Variants in TGFBR1 observed in about 807,000 individuals in gnomAD.
The protein encoded by TGFBR1 is TGF-beta receptor type-1.
In TGFBR1, 20 loss-of-function variants were observed where a neutral mutation model predicts 55.1. The observed-to-expected ratio is 0.36, with a 90% confidence interval of 0.26 to 0.53. The LOEUF is 0.53. TGFBR1 is among the 20% of genes least tolerant of loss of function. The pLI is 0.91. For missense variants in TGFBR1, 385 were observed against 617.6 expected (o/e 0.62, Z 3.99); for synonymous variants, 220 against 214.8 (o/e 1.02, Z -0.21).
At chr9:99,124,525 G>T (rs997382800) in intron 1 of TGFBR1, among the ~76,000 whole-genome samples, 3 of 150,616 alleles carry the variant, frequency 2.0e-5, no homozygotes, top group Non-Finnish European at 4.4e-5. Flanking sequence ...ATAAAAGGTT[G>T]GGGGGGGCAG....
At chr9:99,110,232 C>T (rs1282331307) in intron 1 of TGFBR1, among the ~76,000 whole-genome samples, 1 of 151,802 alleles carries the variant, frequency 6.6e-6, no homozygotes, top group African/African-American at 2.4e-5. Flanking sequence ...AATTTCTAAT[C>T]TAACTTAAAA....
At chr9:99,139,444 A>G (rs893022381) in intron 4 of TGFBR1, among the ~76,000 whole-genome samples, 3 of 152,088 alleles carry the variant, frequency 2.0e-5, no homozygotes, top group African/African-American at 4.8e-5. Flanking sequence ...GAAAATTTCC[A>G]ATATGTAGAA....
chr9:99,152,582 T>C lies in TGFBR1; in HGVS notation c.*3277T>C, dbSNP rs201094276. On this transcript the variant is annotated 3_prime_UTR_variant, in exon 9 of 9. Transcript: ENST00000374994. ...TGAGAACTGTCAGATTAAAACAAGATGGCAAAGAGATCGTTAGAGTGCACA... is the reference window on the plus strand; with the variant it reads ...TGAGAACTGTCAGATTAAAACAAGACGGCAAAGAGATCGTTAGAGTGCACA... 1.7e-5 allele frequency: 4 copies of C among 229,394 alleles called. No individual in the cohort carries two copies. The highest frequency in any genetic ancestry group is 2.2e-5 in the African/African-American group (1 of 45,112). 14.2% of individuals were successfully genotyped at this position (229,394 alleles called of 1,614,324 possible). A position where few individuals can be genotyped will look rare whatever the true frequency, so the allele number is the denominator to read the frequency against.
At chr9:99,105,376 T>C in intron 1 of TGFBR1, 74 bp downstream of exon 1, 1 of 972,216 alleles carries the variant, frequency 1.0e-6, no homozygotes, top group Non-Finnish European at 1.2e-6. Flanking sequence ...GCTCCTGCTC[T>C]TTCTCAAACA....
intron 2 of TGFBR1, 31 bp downstream of exon 2, chr9:99,129,131 C>T: frequency 6.2e-7 from 1 of 1,608,868 alleles, no homozygotes; most frequent in Middle Eastern, 1.7e-4. Flanking sequence ...TTCCTAGATA[C>T]TACAAGAAAA....
Position 99,151,422 on chromosome 9 carries a change from T to G in TGFBR1, c.*2117T>G, listed in dbSNP as rs181680115. On this transcript the variant is annotated 3_prime_UTR_variant, in exon 9 of 9. Transcript: ENST00000374994. ...GTTTTTTTTTTTTTGTTGTTGTTTT[T>G]GGGCCATTTCTAAGCCTACCAGATC... is the stretch of plus-strand genomic sequence containing the variant. 2.6e-5 allele frequency: 6 copies of G among 230,304 alleles called. No homozygotes were observed. In the East Asian group the frequency reaches 3.7e-4, roughly 14 times the overall value. 14.3% of individuals were successfully genotyped at this position (230,304 alleles called of 1,614,324 possible). A position where few individuals can be genotyped will look rare whatever the true frequency, so the allele number is the denominator to read the frequency against.
intron 4 of TGFBR1, among the ~76,000 whole-genome samples, chr9:99,141,026 TCTC>T (rs1827599279): frequency 1.3e-5 from 2 of 152,196 alleles, no homozygotes; most frequent in South Asian, 4.1e-4. Context: ...TCCTTTATCT[TCTC>T]CTGATTTAGT....
At chr9:99,143,474 A>G (rs776412810) in intron 5 of TGFBR1, among the ~76,000 whole-genome samples, 11 of 152,232 alleles carry the variant, frequency 7.2e-5, no homozygotes, top group Admixed American at 5.9e-4. Flanking sequence ...TGACATTTGT[A>G]TGCTGTAGTT....
In TGFBR1 at chr9:99,105,264, C is replaced by T. The variant is rs1333080544; in HGVS notation, c.59C>T (p.Ala20Val). ...CTGCTCCTCCTCGTGCTGGCGGCGG[C>T]GGCGGCGGCGGCGGCGGCGCTGCTC... ...PRLLLLVLAA[A>V]AAAAAALLPG... The change falls in exon 1 of 9, where the codon GCG (alanine) becomes GTG (valine). Residue 20 changes from alanine (A) to valine (V), a missense_variant. Ala to Val is a moderately conservative substitution (Grantham distance 64). Around this residue, in one of 5 missense-constraint regions of TGFBR1, gnomAD observed 37 missense variants for 40.2 expected, o/e 0.92. Transcript: ENST00000374994. The T allele has an allele frequency of 1.2e-6, 1 of 835,220 alleles. No individual in the cohort carries two copies. The highest frequency in any genetic ancestry group is 1.4e-6 in the Non-Finnish European group (1 of 692,996). 51.7% of individuals were successfully genotyped at this position (835,220 alleles called of 1,614,324 possible). A position where few individuals can be genotyped will look rare whatever the true frequency, so the allele number is the denominator to read the frequency against.
chr9:99,108,403 C>T (rs1042138602), intron 1 of TGFBR1, among the ~76,000 whole-genome samples: 6 of 152,174 alleles, frequency 3.9e-5, no homozygotes, highest in Non-Finnish European at 8.8e-5. Flanking sequence ...ATAAGCAGTT[C>T]CCACTGGGCC....
intron 1 of TGFBR1, among the ~76,000 whole-genome samples, chr9:99,116,340 G>T (rs10760673): frequency 6.6e-6 from 1 of 152,126 alleles, no homozygotes; most frequent in South Asian, 2.1e-4. Flanking sequence ...AAAACTCTGC[G>T]AGGACCAACA....
intron 1 of TGFBR1, chr9:99,127,748 C>T: frequency 2.8e-6 from 1 of 362,752 alleles, no homozygotes; most frequent in Non-Finnish European, 5.4e-6. Flanking sequence ...TGTACCTAGA[C>T]TCCTTTTTAT....
At chr9:99,124,974 A>T (rs889576253) in intron 1 of TGFBR1, among the ~76,000 whole-genome samples, 1 of 152,188 alleles carries the variant, frequency 6.6e-6, no homozygotes, top group African/African-American at 2.4e-5. Flanking sequence ...CTCATACACC[A>T]CTATAAACCA....
intron 1 of TGFBR1, among the ~76,000 whole-genome samples, chr9:99,107,204 T>C (rs1826438556): frequency 6.6e-6 from 1 of 152,222 alleles, no homozygotes; most frequent in African/African-American, 2.4e-5. Flanking sequence ...CCTCAGCTTG[T>C]CTGCCTCCCC....
intron 1 of TGFBR1, among the ~76,000 whole-genome samples, chr9:99,111,610 C>T (rs1190245728): frequency 2.0e-5 from 3 of 152,150 alleles, no homozygotes; most frequent in East Asian, 3.9e-4. Flanking sequence ...GCCCGGGCGA[C>T]AGAGTGAAAC....
intron 1 of TGFBR1, among the ~76,000 whole-genome samples, chr9:99,105,562 T>A (rs1379568093): frequency 2.0e-5 from 3 of 150,882 alleles, no homozygotes; most frequent in African/African-American, 7.3e-5. Context: ...CGCTCGGGAC[T>A]CCCCGGGGAG....
chr9:99,131,288 C>A (rs1347959406), intron 2 of TGFBR1, among the ~76,000 whole-genome samples: 3 of 151,728 alleles, frequency 2.0e-5, no homozygotes, highest in Non-Finnish European at 2.9e-5. Context: ...ACCTAAAATT[C>A]TTGAAATAGG....
intron 5 of TGFBR1, among the ~76,000 whole-genome samples, chr9:99,143,633 T>C (rs909368177): frequency 2.6e-5 from 4 of 152,220 alleles, no homozygotes; most frequent in African/African-American, 9.7e-5. Flanking sequence ...ATTATTATTA[T>C]TGATTGTAAC....
rs1028601349 is a variant in TGFBR1 at position 99,153,895 on chromosome 9, G to A, written c.*4590G>A. 1 of 213,930 alleles carries A rather than the reference G, an allele frequency of 4.7e-6. No individual in the cohort carries two copies. Among genetic ancestry groups the A allele is most frequent in the Admixed American group, 5.9e-5 (1 of 17,066 alleles). 13.3% of individuals were successfully genotyped at this position (213,930 alleles called of 1,614,324 possible). A position where few individuals can be genotyped will look rare whatever the true frequency, so the allele number is the denominator to read the frequency against. On this transcript the variant is annotated 3_prime_UTR_variant, in exon 9 of 9. Transcript: ENST00000374994. ...TGTGGGTCTTCCATTGGGGCATGAT[G>A]GACCTGTCTACAGGTGATCTCTGTT...
Sources: gnomAD v4.1 joint callset for allele counts (sites outside exome capture counted in the v4.1 genomes callset) on GRCh38, gnomAD v4.1.1 for gene constraint, gnomAD v4.1.1 regional missense constraint, MANE v1.5 for transcripts, NCBI Gene and HGNC (gene_info 2026-07-23, HGNC 2026-07-21) for gene names.